Variants in NDST4 observed in about 807,000 individuals in gnomAD.
NDST4 encodes the protein N-heparan sulfate sulfotransferase 4.
A neutral mutation model predicts 100.8 loss-of-function variants in NDST4; 63 were observed. The observed-to-expected ratio is 0.62, with a 90% CI of 0.51 to 0.77. The LOEUF (loss-of-function observed/expected upper bound fraction) is 0.77. NDST4 is among the 30% of genes least tolerant of loss of function. The pLI is 0.00. For synonymous variants in NDST4, 377 were observed against 361.8 expected (o/e 1.04, Z -0.48); for missense variants, 943 against 1,018.4 (o/e 0.93, Z 1.01).
chr4:114,877,100 G>A (rs147775554), intron 6 of NDST4, among the ~76,000 whole-genome samples: 297 of 151,830 alleles, frequency 2.0e-3, no homozygotes, highest in African/African-American at 7.0e-3. Flanking sequence ...GTGCACGCGC[G>A]CAAGCCTGGG....
At chr4:115,058,083 G>A (rs1176666865) in intron 2 of NDST4, among the ~76,000 whole-genome samples, 1 of 151,902 alleles carries the variant, frequency 6.6e-6, no homozygotes, top group East Asian at 1.9e-4. Context: ...ATGAAATATC[G>A]CTGACAAAAA....
intron 1 of NDST4, among the ~76,000 whole-genome samples, chr4:115,103,611 G>C (rs1177280553): frequency 6.6e-6 from 1 of 152,096 alleles, no homozygotes; most frequent in Non-Finnish European, 1.5e-5. Flanking sequence ...CACACAAAAT[G>C]ATTGGATTAT....
At chr4:114,833,094 T>G (rs1002232393) in intron 12 of NDST4, among the ~76,000 whole-genome samples, 2 of 152,242 alleles carry the variant, frequency 1.3e-5, no homozygotes, top group Admixed American at 6.5e-5. Context: ...ATGGTCATTA[T>G]AAGCCACTAG....
At chr4:114,908,827 C>T (rs910145357) in intron 6 of NDST4, among the ~76,000 whole-genome samples, 1 of 151,936 alleles carries the variant, frequency 6.6e-6, no homozygotes, top group Admixed American at 6.6e-5. Flanking sequence ...TTTAAATATT[C>T]TAAAAGAATT....
chr4:114,906,420 A>G, intron 6 of NDST4, among the ~76,000 whole-genome samples: 1 of 151,922 alleles, frequency 6.6e-6, no homozygotes, highest in East Asian at 1.9e-4. Flanking sequence ...AGATTATTCC[A>G]TAGATAAGCA....
At chr4:114,869,593 A>G (rs1392646476) in intron 7 of NDST4, among the ~76,000 whole-genome samples, 4 of 152,120 alleles carry the variant, frequency 2.6e-5, no homozygotes, top group Non-Finnish European at 5.9e-5. Context: ...ATTACATATC[A>G]AATGGTAGAT....
At chr4:114,901,323 A>G (rs1401820752) in intron 6 of NDST4, among the ~76,000 whole-genome samples, 1 of 152,078 alleles carries the variant, frequency 6.6e-6, no homozygotes, top group Non-Finnish European at 1.5e-5. Flanking sequence ...ATTTGCACAT[A>G]CATACTAAAA....
chr4:115,007,356 G>A (rs1286332593), intron 2 of NDST4, among the ~76,000 whole-genome samples: 3 of 152,116 alleles, frequency 2.0e-5, no homozygotes, highest in Middle Eastern at 3.4e-3. Flanking sequence ...AATATGACTG[G>A]GAAATAACAA....
intron 2 of NDST4, among the ~76,000 whole-genome samples, chr4:115,064,382 T>C (rs1578493897): frequency 6.6e-6 from 1 of 152,036 alleles, no homozygotes; most frequent in Admixed American, 6.6e-5. Flanking sequence ...TTCCTTGTTG[T>C]CTTGACACTT....
chr4:115,081,099 T>TTA (rs562713325), intron 1 of NDST4, among the ~76,000 whole-genome samples: 1 of 148,862 alleles, frequency 6.7e-6, no homozygotes, highest in East Asian at 2.0e-4. Context: ...AAAAATAAAT[T>TTA]AAAAAAAAAA....
chr4:114,987,088 C>A (rs891109759), intron 2 of NDST4, among the ~76,000 whole-genome samples: 2 of 151,588 alleles, frequency 1.3e-5, no homozygotes, highest in African/African-American at 4.8e-5. Flanking sequence ...TTGAAAATAG[C>A]GGAATGAATC....
intron 2 of NDST4, among the ~76,000 whole-genome samples, chr4:115,032,913 A>G (rs969544060): frequency 9.1e-4 from 139 of 152,016 alleles, no homozygotes; most frequent in African/African-American, 3.3e-3. Flanking sequence ...TGCTAATTTT[A>G]TAAGCAAACA....
At chr4:115,112,321 A>C (rs577350157) in intron 1 of NDST4, among the ~76,000 whole-genome samples, 1 of 152,060 alleles carries the variant, frequency 6.6e-6, no homozygotes, top group African/African-American at 2.4e-5. Context: ...CAGAAACCTC[A>C]CAGGATTTTA....
rs566563139 is a variant in NDST4, at chr4:114,880,542, T to C, written c.1537-9592A>G. 3.9e-5 allele frequency among the ~76,000 whole-genome samples: 6 copies of C among 152,288 alleles called. No individual in the cohort carries two copies. The East Asian group carries it at 1.2e-3, about 29-fold the overall frequency. ...CATTAGTAATCAGTGTAAGCTTCACTGACAACCTCAAATAGAGTTCAACAG... is the reference window on the plus strand; with the variant it reads ...CATTAGTAATCAGTGTAAGCTTCACCGACAACCTCAAATAGAGTTCAACAG... On this transcript the variant is annotated intron_variant, in intron 6 of 13. Transcript: ENST00000264363.
At chr4:114,951,348 A>G (rs1481949139) in intron 4 of NDST4, among the ~76,000 whole-genome samples, 1 of 152,072 alleles carries the variant, frequency 6.6e-6, no homozygotes, top group Non-Finnish European at 1.5e-5. Context: ...GGATAGATGG[A>G]GAATTGCAAA....
intron 6 of NDST4, among the ~76,000 whole-genome samples, chr4:114,889,608 T>C (rs1035825174): frequency 1.3e-5 from 2 of 152,192 alleles, no homozygotes; most frequent in East Asian, 3.8e-4. Context: ...ATAATCCTTA[T>C]GGAACTTTAC....
At position 114,964,961 on chromosome 4, in the gene NDST4, A is replaced by C. The variant is rs185719584; in HGVS notation, c.1221+5469T>G. ...TCTTTTTTCAATGCCTTGGTGCTTC[A>C]GGGTTTTTTATTACTGTGATTAAAT... On this transcript the variant is annotated intron_variant, in intron 4 of 13. Coordinates refer to ENST00000264363, the MANE Select transcript of NDST4 (RefSeq NM_022569.3). Among the ~76,000 whole-genome samples the C allele has an allele frequency of 1.4e-3, 217 of 151,362 alleles. 1 individual carries two copies. The highest frequency in any genetic ancestry group is 5.0e-3 in the African/African-American group (207 of 41,496).
chr4:115,074,923 T>G (rs1729148584), intron 2 of NDST4, among the ~76,000 whole-genome samples: 1 of 152,160 alleles, frequency 6.6e-6, no homozygotes, highest in Admixed American at 6.5e-5. Context: ...CAAAATAAAT[T>G]TAGTTATACA....
intron 12 of NDST4, among the ~76,000 whole-genome samples, chr4:114,831,152 A>G (rs969881439): frequency 6.7e-6 from 1 of 149,452 alleles, no homozygotes; most frequent in East Asian, 1.9e-4. Flanking sequence ...TCCCGGGTTC[A>G]CGCCATTCTC....
Sources: allele counts gnomAD v4.1 joint callset (sites outside exome capture counted in the v4.1 genomes callset), GRCh38; gene constraint gnomAD v4.1.1; transcripts MANE v1.5; gene names NCBI Gene and HGNC (gene_info 2026-07-23, HGNC 2026-07-21).